Variants in VSTM1 observed in about 807,000 individuals in gnomAD.
VSTM1 encodes V-set and transmembrane domain containing 1, also known as V-set and transmembrane domain-containing protein 1.
Under a neutral mutation model 33.1 loss-of-function variants are expected in VSTM1, and 27 were observed. The observed-to-expected ratio is 0.82, with a 90% CI of 0.60 to 1.12. VSTM1 has a LOEUF of 1.12. Ranked by LOEUF, VSTM1 falls within the 50% of genes most tolerant of loss-of-function variation. The pLI is 0.00. For missense variants in VSTM1, 304 were observed against 288.9 expected, an observed-to-expected ratio of 1.05 and a Z score of -0.38; for synonymous variants, 115 against 110.3, an observed-to-expected ratio of 1.04 and a Z score of -0.27.
At position 54,051,535 on chromosome 19, in the gene VSTM1, C is replaced by G. The variant is rs137960309; in HGVS notation, c.356-87G>C. On this transcript the variant is annotated intron_variant, in intron 3 of 8. Transcript: ENST00000338372. Reference sequence around the variant, plus strand: ...GTCCTCACGTCCTACTTATAGACATCCTGTTCTTCTTTGGGAAGCAGAAAA... The same window carrying G: ...GTCCTCACGTCCTACTTATAGACATGCTGTTCTTCTTTGGGAAGCAGAAAA... 2,372 of 1,050,918 alleles carry G rather than the reference C, an allele frequency of 2.3e-3. 8 individuals are homozygous for G. The highest frequency in any genetic ancestry group is 6.9e-3 in the Middle Eastern group (31 of 4,486). The allele number at this position is 1,050,918 out of a possible 1,614,324, so 65.1% of individuals were successfully genotyped here.
At position 54,052,444 on chromosome 19, in the gene VSTM1, A is replaced by C. The variant is rs140984013; in HGVS notation, c.356-996T>G. Among the ~76,000 whole-genome samples, 7 of 141,324 alleles carry C rather than the reference A, an allele frequency of 5.0e-5. 2 individuals are homozygous for C. The highest frequency in any genetic ancestry group is 1.8e-4 in the African/African-American group (7 of 38,428). The allele number at this position is 141,324 out of a possible 152,430, so 92.7% of individuals were successfully genotyped here. A position where few individuals can be genotyped will look rare whatever the true frequency, so the allele number is the denominator to read the frequency against. On this transcript the variant is annotated intron_variant, in intron 3 of 8. Transcript: ENST00000338372. Reference sequence around the variant, plus strand: ...ATAAAAATGAAATGAAATATCACCTACTCACCAGTCCCTGGCAACCACCAG... The same window carrying C: ...ATAAAAATGAAATGAAATATCACCTCCTCACCAGTCCCTGGCAACCACCAG...
In VSTM1 at chr19:54,058,524, G is replaced by A; in HGVS notation, c.137C>T (p.Thr46Ile). Residue 46 changes from threonine (T) to isoleucine (I), a missense_variant, in exon 3 of 9, where the codon ACC becomes ATC. Transcript: ENST00000338372. The part of the protein sequence containing the change: ...SSVVEAESNV[T>I]LKCQAHSQNV... ...CTGGGAATGAGCCTGACACTTCAGG[G>A]TCACATTGCTCTCGGCTTCAACCAC... 6.2e-7 allele frequency: 1 copy of A among 1,614,052 alleles called. No homozygotes were observed. The highest frequency in any genetic ancestry group is 8.5e-7 in the Non-Finnish European group (1 of 1,180,014).
chr19:54,044,899 G>A (rs193285961), intron 4 of VSTM1, among the ~76,000 whole-genome samples: 7 of 152,276 alleles, frequency 4.6e-5, no homozygotes, highest in African/African-American at 7.2e-5. Context: ...AACACAAGTC[G>A]TGAGACTTTA....
intron 5 of VSTM1, 23 bp downstream of exon 5, chr19:54,042,254 C>G: frequency 1.2e-6 from 2 of 1,613,920 alleles, no homozygotes; most frequent in Non-Finnish European, 1.7e-6. Flanking sequence ...CCCCCTCTCT[C>G]CCTTTGCGTT....
intron 4 of VSTM1, among the ~76,000 whole-genome samples, chr19:54,046,961 C>T (rs77407663): frequency 0.066 from 10,007 of 152,026 alleles, 378 homozygotes; most frequent in East Asian, 0.11. Flanking sequence ...TTTGGGAGGT[C>T]GAGGCAGGCA....
chr19:54,061,224 G>T (rs1351934859), intron 1 of VSTM1, among the ~76,000 whole-genome samples: 1 of 151,628 alleles, frequency 6.6e-6, no homozygotes, highest in Non-Finnish European at 1.5e-5. Context: ...CACCATGTTG[G>T]CCAGTCTGGT....
chr19:54,041,104 T>G, intron 8 of VSTM1, 24 bp from the exon 9 acceptor site: 1 of 1,537,942 alleles, frequency 6.5e-7, no homozygotes, highest in Non-Finnish European at 8.7e-7. Flanking sequence ...AGATGAATAT[T>G]AGAACTGAGT....
At chr19:54,059,598 G>A (rs1016449184) in intron 1 of VSTM1, among the ~76,000 whole-genome samples, 2 of 151,892 alleles carry the variant, frequency 1.3e-5, no homozygotes, top group African/African-American at 2.4e-5. Context: ...AGGCTCCAGA[G>A]TAGCTGGGAC....
intron 4 of VSTM1, among the ~76,000 whole-genome samples, chr19:54,049,908 C>T (rs769847341): frequency 1.5e-4 from 23 of 151,786 alleles, no homozygotes; most frequent in Non-Finnish European, 2.4e-4. Context: ...CATCTAGATG[C>T]CAATTTATAT....
chr19:54,046,407 C>T (rs767371861), intron 4 of VSTM1, among the ~76,000 whole-genome samples: 18 of 152,106 alleles, frequency 1.2e-4, no homozygotes, highest in African/African-American at 4.3e-4. Flanking sequence ...GGGCAGAGAG[C>T]TAATAATATC....
intron 4 of VSTM1, among the ~76,000 whole-genome samples, chr19:54,042,810 A>ATG: frequency 2.8e-5 from 1 of 36,248 alleles, no homozygotes; most frequent in South Asian, 7.6e-4. Flanking sequence ...AAATGTGTAT[A>ATG]TATATATATA....
At chr19:54,061,009 T>G (rs996238164) in intron 1 of VSTM1, among the ~76,000 whole-genome samples, 1 of 133,532 alleles carries the variant, frequency 7.5e-6, no homozygotes, top group Non-Finnish European at 1.7e-5. Context: ...CATATTCTTT[T>G]TCTTTTCTTT....
At chr19:54,059,498 C>T (rs188491129) in intron 1 of VSTM1, among the ~76,000 whole-genome samples, 9 of 151,774 alleles carry the variant, frequency 5.9e-5, no homozygotes, top group Admixed American at 5.3e-4. Flanking sequence ...GACAGAGTCT[C>T]GCTGTGTCAC....
At chr19:54,059,764 G>A (rs1262023071) in intron 1 of VSTM1, among the ~76,000 whole-genome samples, 1 of 151,838 alleles carries the variant, frequency 6.6e-6, no homozygotes, top group Admixed American at 6.6e-5. Flanking sequence ...ATGAGCCACC[G>A]TGCCCGGCCT....
intron 3 of VSTM1, among the ~76,000 whole-genome samples, chr19:54,057,968 C>A (rs546104699): frequency 6.6e-6 from 1 of 151,200 alleles, no homozygotes; most frequent in South Asian, 2.1e-4. Flanking sequence ...AGGCCGGGCG[C>A]GGTGGCTCAT....
At position 54,058,468 on chromosome 19, in the gene VSTM1, C is replaced by T. The variant is rs144159930; in HGVS notation, c.193G>A (p.Asp65Asn). The T allele has an allele frequency of 3.1e-6, 5 of 1,614,014 alleles. No individual in the cohort carries two copies. Among genetic ancestry groups the T allele is most frequent in the African/African-American group, 1.3e-5 (1 of 74,986 alleles). ...CTCTGTTCCTGCTTGTACCCAGAGT[C>T]GTTCACCTTGCGCAGCACAAATGTC... ...NVTFVLRKVN[D>N]SGYKQEQSSA... Residue 65 changes from aspartate (D) to asparagine (N), a missense_variant, in exon 3 of 9, where the codon GAC becomes AAC. By Grantham distance (23) the Asp-to-Asn change is conservative. Transcript: ENST00000338372.
chr19:54,047,456 C>G (rs1416126891), intron 4 of VSTM1, among the ~76,000 whole-genome samples: 2 of 152,070 alleles, frequency 1.3e-5, no homozygotes, highest in Non-Finnish European at 1.5e-5. Flanking sequence ...CCTCACCCCG[C>G]TAATTTTTTA....
chr19:54,046,757 C>A (rs1247727589), intron 4 of VSTM1, among the ~76,000 whole-genome samples: 1 of 152,116 alleles, frequency 6.6e-6, no homozygotes. Context: ...CTGTGGGGAC[C>A]CCAGCTCCCT....
intron 4 of VSTM1, among the ~76,000 whole-genome samples, chr19:54,045,039 G>T (rs1443645309): frequency 6.6e-6 from 1 of 152,154 alleles, no homozygotes; most frequent in Admixed American, 6.6e-5. Flanking sequence ...ATTTTTCCTA[G>T]GTGTGCAATG....
Sources: gnomAD v4.1 joint callset for allele counts (sites outside exome capture counted in the v4.1 genomes callset) on GRCh38, gnomAD v4.1.1 for gene constraint, MANE v1.5 for transcripts, NCBI Gene and HGNC (gene_info 2026-07-23, HGNC 2026-07-21) for gene names.